The following PTPN11 variants were observed in gnomAD, a reference collection of about 807,000 sequenced individuals.
PTPN11 encodes the protein protein tyrosine phosphatase non-receptor type 11, also known as tyrosine-protein phosphatase non-receptor type 11.
Under a neutral mutation model 78.8 loss-of-function variants are expected in PTPN11, and 6 were observed. The observed-to-expected ratio is 0.08, with a 90% CI of 0.04 to 0.15. The LOEUF (loss-of-function observed/expected upper bound fraction) is 0.15, where lower values mean the gene tolerates loss of function less well. Among genes scored for constraint, PTPN11 ranks in the 10% least tolerant of loss-of-function variants. The probability of loss-of-function intolerance (pLI) is 1.00; values close to 1 mark genes in which losing one functional copy is unlikely to be tolerated. For synonymous variants in PTPN11, 221 were observed against 263.5 expected, an observed-to-expected ratio of 0.84 and a Z score of 1.56; for missense variants, 386 against 744.8, an observed-to-expected ratio of 0.52 and a Z score of 5.61.
chr12:112,419,539 CG>C (rs1338765694), intron 1 of PTPN11, among the ~76,000 whole-genome samples: 5 of 152,246 alleles, frequency 3.3e-5, no homozygotes, highest in Non-Finnish European at 7.4e-5. Context: ...GGGAGTTGCG[CG>C]GGGCCGGGCC....
At chr12:112,438,068 T>C (rs1322793420) in intron 1 of PTPN11, among the ~76,000 whole-genome samples, 3 of 152,178 alleles carry the variant, frequency 2.0e-5, no homozygotes, top group Non-Finnish European at 2.9e-5. Context: ...ATTTTCACAC[T>C]TCGGGTGGAC....
chr12:112,500,981 T>C (rs1184251140), intron 13 of PTPN11, among the ~76,000 whole-genome samples: 2 of 152,148 alleles, frequency 1.3e-5, no homozygotes, highest in Admixed American at 6.5e-5. Flanking sequence ...CATAGCTTAC[T>C]GCAGCCTTGA....
intron 2 of PTPN11, among the ~76,000 whole-genome samples, chr12:112,447,410 G>T (rs943867266): frequency 2.6e-5 from 4 of 151,886 alleles, no homozygotes; most frequent in Non-Finnish European, 5.9e-5. Flanking sequence ...TGGTTTGTGT[G>T]TTTAAAAAAT....
At position 112,486,528 on chromosome 12, in the gene PTPN11, C is replaced by T. The variant is rs886038519; in HGVS notation, c.1278C>T (p.His426=). 2.0e-5 allele frequency: 32 copies of T among 1,614,196 alleles called. No homozygotes were observed. Among genetic ancestry groups the T allele is most frequent in the East Asian group, 6.7e-5 (3 of 44,880 alleles). The change falls in exon 11 of 16, where the codon CAC becomes CAT. Residue 426 remains histidine, a synonymous_variant. Coordinates refer to ENST00000351677, the MANE Select transcript of PTPN11 (RefSeq NM_002834.5). ...WQYHFRTWPD[H]GVPSDPGGVL... is the part of the protein sequence containing the mutation. ...ACCACTTTCGGACCTGGCCGGACCA[C>T]GGCGTGCCCAGCGACCCTGGGGGCG...
At chr12:112,464,760 A>G (rs2038300780) in intron 6 of PTPN11, among the ~76,000 whole-genome samples, 4 of 149,116 alleles carry the variant, frequency 2.7e-5, no homozygotes, top group South Asian at 2.1e-4. Flanking sequence ...GGGTCTCACT[A>G]TCTTGCCCAG....
intron 6 of PTPN11, among the ~76,000 whole-genome samples, chr12:112,460,715 G>T (rs930482249): frequency 2.6e-5 from 4 of 152,116 alleles, no homozygotes; most frequent in Admixed American, 6.6e-5. Flanking sequence ...GGTAGTGCGT[G>T]CCTGTAGTCC....
At chr12:112,484,376 G>T (rs1388247398) in intron 10 of PTPN11, among the ~76,000 whole-genome samples, 1 of 152,218 alleles carries the variant, frequency 6.6e-6, no homozygotes, top group African/African-American at 2.4e-5. Flanking sequence ...TACGTGGTTT[G>T]TCCAGGCCGA....
chr12:112,461,482 T>G (rs142881587), intron 6 of PTPN11, among the ~76,000 whole-genome samples: 1,729 of 151,840 alleles, frequency 0.011, 14 homozygotes, highest in Non-Finnish European at 0.018. Context: ...CATGCCACCA[T>G]GCCTGGCTAA....
chr12:112,445,033 C>G (rs2037967992), intron 1 of PTPN11, among the ~76,000 whole-genome samples: 2 of 151,858 alleles, frequency 1.3e-5, no homozygotes, highest in Non-Finnish European at 2.9e-5. Context: ...TCAGAAGAGA[C>G]CTAGGAAATG....
chr12:112,483,474 G>A (rs748818159), intron 10 of PTPN11, among the ~76,000 whole-genome samples: 59 of 152,344 alleles, frequency 3.9e-4, no homozygotes, highest in African/African-American at 1.1e-3. Flanking sequence ...AATTACAGGC[G>A]TGAGCCAGCG....
At chr12:112,424,933 C>T (rs1195363933) in intron 1 of PTPN11, among the ~76,000 whole-genome samples, 1 of 136,022 alleles carries the variant, frequency 7.4e-6, no homozygotes, top group Admixed American at 7.8e-5. Flanking sequence ...GGACTGCAGG[C>T]ACACACCACC....
At chr12:112,463,943 T>C (rs1455081624) in intron 6 of PTPN11, among the ~76,000 whole-genome samples, 1 of 152,262 alleles carries the variant, frequency 6.6e-6, no homozygotes, top group African/African-American at 2.4e-5. Flanking sequence ...TAAGCCATTA[T>C]TGAAAAAATT....
intron 6 of PTPN11, among the ~76,000 whole-genome samples, chr12:112,456,430 T>C (rs905931654): frequency 2.0e-5 from 3 of 150,998 alleles, no homozygotes; most frequent in Non-Finnish European, 4.4e-5. Flanking sequence ...CAAATGAGTA[T>C]GAGTAAAAGA....
chr12:112,502,695 C>T (rs547273118), intron 14 of PTPN11, among the ~76,000 whole-genome samples: 13 of 152,130 alleles, frequency 8.5e-5, no homozygotes, highest in East Asian at 3.9e-4. Context: ...TGCAGTGAGC[C>T]GAGATCATGC....
intron 1 of PTPN11, among the ~76,000 whole-genome samples, chr12:112,445,288 C>T (rs1307182735): frequency 2.0e-5 from 3 of 151,836 alleles, no homozygotes; most frequent in East Asian, 1.9e-4. Flanking sequence ...TCCACCACCA[C>T]GCCCACCTAA....
intron 1 of PTPN11, among the ~76,000 whole-genome samples, chr12:112,423,925 A>AT (rs927216905): frequency 4.7e-5 from 7 of 149,908 alleles, no homozygotes; most frequent in African/African-American, 1.7e-4. Context: ...CAATTTTTCT[A>AT]TTTTTTTGTA....
intron 13 of PTPN11, among the ~76,000 whole-genome samples, chr12:112,491,904 G>C (rs574578877): frequency 9.9e-5 from 15 of 152,166 alleles, no homozygotes; most frequent in Non-Finnish European, 1.8e-4. Context: ...ATGGAGCTTC[G>C]CCGTGTTGCC....
chr12:112,464,040 T>C (rs1033247276), intron 6 of PTPN11, among the ~76,000 whole-genome samples: 4 of 152,240 alleles, frequency 2.6e-5, no homozygotes, highest in Non-Finnish European at 5.9e-5. Flanking sequence ...TTTTAGTGAT[T>C]GTACCTTAGT....
intron 3 of PTPN11, among the ~76,000 whole-genome samples, chr12:112,452,414 C>T (rs2038091532): frequency 6.6e-6 from 1 of 151,998 alleles, no homozygotes; most frequent in Admixed American, 6.6e-5. Flanking sequence ...TTAGCAGAGA[C>T]AGGGTTTCAC....
Sources: gnomAD v4.1 joint callset for allele counts (sites outside exome capture counted in the v4.1 genomes callset) on GRCh38, gnomAD v4.1.1 for gene constraint, MANE v1.5 for transcripts, NCBI Gene and HGNC (gene_info 2026-07-23, HGNC 2026-07-21) for gene names.